DGKG: variants seen among roughly 807,000 people sequenced by gnomAD.
The protein encoded by DGKG is DAG kinase gamma.
In DGKG, 78 loss-of-function variants were observed where a neutral mutation model predicts 105.3. The observed-to-expected ratio is 0.74, with a 90% CI of 0.62 to 0.89. The LOEUF (loss-of-function observed/expected upper bound fraction) is 0.89. Ranked by LOEUF, DGKG falls within the 40% of genes least tolerant of loss-of-function variation. The probability of loss-of-function intolerance (pLI) is 0.00; values close to 1 mark genes in which losing one functional copy is unlikely to be tolerated. For missense variants in DGKG, 958 were observed against 1,020.1 expected (o/e 0.94, Z 0.83); for synonymous variants, 346 against 367.1 (o/e 0.94, Z 0.66).
Position 186,210,563 on chromosome 3 carries a change from A to C in DGKG, c.1917+1232T>G, listed in dbSNP as rs890340496. On this transcript the variant is annotated intron_variant, in intron 21 of 24. Transcript: ENST00000265022. The surrounding 1 kb of genome is among the most constrained non-coding windows in gnomAD (Gnocchi z 5.2). ...ACCGAAGAGGAGAGGCAGGCAGATGAGTCAAATGCAGCCGCACAGAACCTC... is the reference window on the plus strand; with the variant it reads ...ACCGAAGAGGAGAGGCAGGCAGATGCGTCAAATGCAGCCGCACAGAACCTC... The C allele has an allele frequency of 8.8e-6, 4 of 453,104 alleles. No individual in the cohort carries two copies. Among genetic ancestry groups the C allele is most frequent in the African/African-American group, 6.0e-5 (3 of 49,920 alleles). 28.1% of individuals were successfully genotyped at this position (453,104 alleles called of 1,614,324 possible). A position where few individuals can be genotyped will look rare whatever the true frequency, so the allele number is the denominator to read the frequency against.
At chr3:186,308,265 G>C (rs1009481306) in intron 2 of DGKG, among the ~76,000 whole-genome samples, 3 of 150,092 alleles carry the variant, frequency 2.0e-5, no homozygotes, top group Non-Finnish European at 4.4e-5. Flanking sequence ...ATCCAGAAAA[G>C]AGACTCAATA....
chr3:186,298,407 G>A (rs1231977796), intron 3 of DGKG, among the ~76,000 whole-genome samples, 178 bp from the exon 4 acceptor site: 1 of 152,188 alleles, frequency 6.6e-6, no homozygotes, highest in Non-Finnish European at 1.5e-5. Flanking sequence ...ACAATGAGAG[G>A]CACAGGGTGC....
At position 186,251,806 on chromosome 3, in the gene DGKG, C is replaced by A. The variant is rs567012750; in HGVS notation, c.1714G>T (p.Asp572Tyr). ...VIPREEVENGDQVPYSIMNNY... is the reference protein window; with the variant it reads ...VIPREEVENGYQVPYSIMNNY... ...TTCATGATGCTGTATGGGACCTGGT[C>A]CCCGTTTTCCACTTCCTCTCTGGGG... Residue 572 changes from aspartate to tyrosine, a missense_variant, in exon 19 of 25, where the codon GAC becomes TAC. By Grantham distance (160) the Asp-to-Tyr change is radical. This residue lies in a region of DGKG where 315 missense variants were observed against 400.6 expected (regional missense o/e 0.79). Coordinates refer to ENST00000265022, the MANE Select transcript of DGKG (RefSeq NM_001346.3). The A allele has an allele frequency of 1.1e-5, 18 of 1,614,076 alleles. No individual in the cohort carries two copies. Among genetic ancestry groups the A allele is most frequent in the Middle Eastern group, 1.7e-4 (1 of 6,058 alleles).
At chr3:186,303,686 C>A (rs538523854) in intron 3 of DGKG, among the ~76,000 whole-genome samples, 1 of 152,210 alleles carries the variant, frequency 6.6e-6, no homozygotes, top group African/African-American at 2.4e-5. Flanking sequence ...CCACCTGCCT[C>A]TTTTGCTTTT....
chr3:186,267,490 A>T (rs1722110648), intron 13 of DGKG, 195 bp downstream of exon 13: 2 of 550,922 alleles, frequency 3.6e-6, no homozygotes, highest in Non-Finnish European at 6.6e-6. Context: ...CTCCCGCAAG[A>T]CGTGTCTGCC....
intron 24 of DGKG, among the ~76,000 whole-genome samples, chr3:186,152,732 C>T (rs1196799431): frequency 4.6e-5 from 7 of 152,090 alleles, no homozygotes; most frequent in African/African-American, 1.2e-4. Context: ...GATGCAATCT[C>T]GGCTCACTGC....
chr3:186,357,182 G>C (rs1458646885), intron 1 of DGKG, among the ~76,000 whole-genome samples: 9 of 152,086 alleles, frequency 5.9e-5, no homozygotes, highest in African/African-American at 2.2e-4. Flanking sequence ...CCACACTATG[G>C]ATGGGTTCCT....
At chr3:186,291,813 A>G (rs1723322358) in intron 5 of DGKG, among the ~76,000 whole-genome samples, 1 of 152,222 alleles carries the variant, frequency 6.6e-6, no homozygotes, top group Non-Finnish European at 1.5e-5. Context: ...TCATCATATT[A>G]ATTGTGGTAC....
intron 20 of DGKG, among the ~76,000 whole-genome samples, chr3:186,219,133 G>A (rs896937493): frequency 7.0e-6 from 1 of 142,974 alleles, no homozygotes; most frequent in African/African-American, 2.6e-5. Context: ...TATGTTAACC[G>A]AAGTTTACAT....
rs1344041874 is a variant in DGKG at position 186,284,898 on chromosome 3, C to T, written c.545-189G>A. Among the ~76,000 whole-genome samples, 2 of 152,186 alleles carry T rather than the reference C, an allele frequency of 1.3e-5. No individual in the cohort carries two copies. The highest frequency in any genetic ancestry group is 2.1e-4 in the South Asian group (1 of 4,832). ...AGAGGCTGGGCCAAGGGAGGAGAACCACCTGGCTTCTGGACCTGTCTAAGC... is the reference window on the plus strand; with the variant it reads ...AGAGGCTGGGCCAAGGGAGGAGAACTACCTGGCTTCTGGACCTGTCTAAGC... On this transcript the variant is annotated intron_variant, in intron 6 of 24. Transcript: ENST00000265022. The surrounding 1 kb of genome is among the most constrained non-coding windows in gnomAD (Gnocchi z 4.0).
At chr3:186,352,229 C>T (rs1159534840) in intron 1 of DGKG, among the ~76,000 whole-genome samples, 14 of 152,286 alleles carry the variant, frequency 9.2e-5, no homozygotes, top group Non-Finnish European at 1.5e-5. Context: ...GACCATTCAC[C>T]TGGCAGAAGT....
rs748500168 is a variant in DGKG, at chr3:186,284,756, C to T, written c.545-47G>A. 17 of 1,537,502 alleles carry T rather than the reference C, an allele frequency of 1.1e-5. No homozygotes were observed. The highest frequency in any genetic ancestry group is 5.6e-5 in the South Asian group (5 of 89,310). On this transcript the variant is annotated intron_variant, in intron 6 of 24. Transcript: ENST00000265022. This position sits in a 1 kb window ranked among gnomAD's most constrained non-coding sequence, Gnocchi z 4.0. Reference sequence around the variant, plus strand: ...GCCTTGAGGTGTCCTCTAAGAAGCGCGGATGGCTGAAGTTTTGATGCTGCC... The same window carrying T: ...GCCTTGAGGTGTCCTCTAAGAAGCGTGGATGGCTGAAGTTTTGATGCTGCC...
intron 22 of DGKG, among the ~76,000 whole-genome samples, chr3:186,168,437 G>A (rs1251824278): frequency 6.6e-6 from 1 of 152,212 alleles, no homozygotes; most frequent in Non-Finnish European, 1.5e-5. Context: ...AGGCAAGGGA[G>A]GAAAAGCAAG....
chr3:186,347,244 C>A (rs530734149), intron 1 of DGKG, among the ~76,000 whole-genome samples: 1 of 151,920 alleles, frequency 6.6e-6, no homozygotes, highest in South Asian at 2.1e-4. Context: ...GTCAGGAGAT[C>A]GAGACCACTC....
At chr3:186,304,372 C>A (rs1724126877) in intron 3 of DGKG, among the ~76,000 whole-genome samples, 1 of 152,204 alleles carries the variant, frequency 6.6e-6, no homozygotes, top group Admixed American at 6.5e-5. Flanking sequence ...CAACCTTCTT[C>A]CTGCTTCATT....
intron 20 of DGKG, among the ~76,000 whole-genome samples, chr3:186,242,101 G>A (rs1001674901): frequency 6.6e-6 from 1 of 152,142 alleles, no homozygotes; most frequent in Non-Finnish European, 1.5e-5. Flanking sequence ...AGAAGCTAGG[G>A]TCTCTTCCAG....
At chr3:186,357,784 A>T (rs1429336743) in intron 1 of DGKG, among the ~76,000 whole-genome samples, 1 of 150,632 alleles carries the variant, frequency 6.6e-6, no homozygotes, top group Non-Finnish European at 1.5e-5. Flanking sequence ...ACATAGACAC[A>T]CACTTTGCTT....
At chr3:186,211,909 T>G in intron 20 of DGKG, 24 bp from the exon 21 acceptor site, 1 of 1,573,408 alleles carries the variant, frequency 6.4e-7, no homozygotes, top group South Asian at 1.1e-5. Context: ...CAGAGAGATG[T>G]CTCAATATTC....
At chr3:186,224,451 C>T (rs1483911556) in intron 20 of DGKG, among the ~76,000 whole-genome samples, 1 of 152,188 alleles carries the variant, frequency 6.6e-6, no homozygotes, top group Non-Finnish European at 1.5e-5. Context: ...GTGTCATTTG[C>T]CACCATGCCC....
Sources: allele counts gnomAD v4.1 joint callset (sites outside exome capture counted in the v4.1 genomes callset), GRCh38; gene constraint gnomAD v4.1.1; regional missense constraint gnomAD v4.1.1; non-coding constraint Gnocchi (gnomAD v3.1); transcripts MANE v1.5; gene names NCBI Gene and HGNC (gene_info 2026-07-23, HGNC 2026-07-21).